ZNF283: variants seen among roughly 807,000 people sequenced by gnomAD.
ZNF283 encodes zinc finger protein 283, also known as zinc finger protein 41.
A neutral mutation model predicts 9.2 loss-of-function variants in ZNF283; 10 were observed. That is an observed-to-expected ratio of 1.09 (90% CI 0.67 to 1.85). The LOEUF (loss-of-function observed/expected upper bound fraction) is 1.85, where lower values mean the gene tolerates loss of function less well. Ranked by LOEUF, ZNF283 falls within the 40% of genes most tolerant of loss-of-function variation. ZNF283 has a pLI of 0.00. For synonymous variants in ZNF283, 234 were observed against 244.1 expected (o/e 0.96, Z 0.38); for missense variants, 631 against 760.1 (o/e 0.83, Z 2.00).
Position 43,835,593 on chromosome 19 carries a change from G to GT in ZNF283, c.210+2dup, listed in dbSNP as rs979130550. 4 of 1,593,980 alleles carry GT rather than the reference G, an allele frequency of 2.5e-6. No homozygotes were observed. The highest frequency in any genetic ancestry group is 2.6e-6 in the Non-Finnish European group (3 of 1,165,782). ...TTGCAATTCCAGAACCATGACTGATGTAAGTTGGTATTTTTCTCTCCATGA... is the reference window on the plus strand; with the variant it reads ...TTGCAATTCCAGAACCATGACTGATGTTAAGTTGGTATTTTTCTCTCCATGA... On this transcript the variant is annotated splice_donor_variant, in intron 5 of 6. Transcript: ENST00000618787. LOFTEE classifies it high-confidence loss of function.
At chr19:43,829,108 G>A (rs182399933) in intron 2 of ZNF283, among the ~76,000 whole-genome samples, 7 of 152,176 alleles carry the variant, frequency 4.6e-5, no homozygotes, top group African/African-American at 9.7e-5. Context: ...CCCTGGGGTC[G>A]GGCACAGTGG....
intron 5 of ZNF283, among the ~76,000 whole-genome samples, chr19:43,836,470 T>C (rs1337426582): frequency 6.6e-6 from 1 of 152,178 alleles, no homozygotes; most frequent in Non-Finnish European, 1.5e-5. Context: ...GCCTCCCAAG[T>C]AGCTGGGATT....
Position 43,833,484 on chromosome 19 carries a change from CTT to C in ZNF283, c.1-5_1-4del, listed in dbSNP as rs55882936. 812 of 137,322 alleles carry C rather than the reference CTT, an allele frequency of 5.9e-3. 5 individuals carry two copies. Among genetic ancestry groups the C allele is most frequent in the Middle Eastern group, 0.02 (6 of 298 alleles). The allele number at this position is 137,322 out of a possible 1,614,324, so 8.5% of individuals were successfully genotyped here. On this transcript the variant is annotated intron_variant, in intron 3 of 6. Transcript: ENST00000618787. ...GTGTTTCTTTCTTCTTTACCTATTTCTTTTTTTTTTTTTTTTTCAGATGGAGT... is the reference window on the plus strand; with the variant it reads ...GTGTTTCTTTCTTCTTTACCTATTTCTTTTTTTTTTTTTTTCAGATGGAGT...
Position 43,847,806 on chromosome 19 carries a change from C to A in ZNF283, c.1205C>A (p.Pro402His). The change falls in exon 7 of 7, where the codon CCC (proline) becomes CAC (histidine). Residue 402 changes from proline (P) to histidine (H), a missense_variant. By Grantham distance (77) the Pro-to-His change is moderately conservative (BLOSUM62 -2). Transcript: ENST00000618787. ...RHQIFHTGEK[P>H]YECKECGKAF... ...CAGATATTTCATACTGGTGAGAAAC[C>A]CTATGAATGCAAGGAATGTGGGAAG... is the stretch of plus-strand genomic sequence containing the variant. 6.2e-7 allele frequency: 1 copy of A among 1,613,858 alleles called. No individual in the cohort carries two copies. Among genetic ancestry groups the A allele is most frequent in the South Asian group, 1.1e-5 (1 of 91,070 alleles).
chr19:43,844,769 A>C (rs764635253), intron 6 of ZNF283, among the ~76,000 whole-genome samples: 2 of 152,182 alleles, frequency 1.3e-5, no homozygotes, highest in East Asian at 3.8e-4. Flanking sequence ...TTTGGGCCCA[A>C]ATGTCAGTAG....
chr19:43,847,883 G>T lies in ZNF283; in HGVS notation c.1282G>T (p.Glu428Ter), dbSNP rs755948575. 4 of 1,613,140 alleles carry T rather than the reference G, an allele frequency of 2.5e-6. No individual in the cohort carries two copies. The highest frequency in any genetic ancestry group is 1.7e-5 in the Admixed American group (1 of 59,902). Residue 428 changes from glutamate (E) to a stop codon, truncating the protein, a stop_gained, in exon 7 of 7, where the codon GAG becomes TAG. Coordinates refer to ENST00000618787, the MANE Select transcript of ZNF283 (RefSeq NM_181845.2). LOFTEE classifies it low-confidence loss of function (END_TRUNC). Reference sequence around the variant, plus strand: ...TCAACATGAAAGAATTCATACTGGTGAGAAACCTTATGAATGTAAAGAATG... The same window carrying T: ...TCAACATGAAAGAATTCATACTGGTTAGAAACCTTATGAATGTAAAGAATG... ...LIQHERIHTGEKPYECKECGK... is the reference protein window; with the variant it reads ...LIQHERIHTG
At chr19:43,835,722 G>T in intron 5 of ZNF283, 130 bp downstream of exon 5, 1 of 681,136 alleles carries the variant, frequency 1.5e-6, no homozygotes, top group Non-Finnish European at 2.5e-6. Context: ...GGACTTTGGG[G>T]TTGCTTGGTC....
At chr19:43,831,801 A>G (rs1325788423) in intron 3 of ZNF283, among the ~76,000 whole-genome samples, 2 of 151,828 alleles carry the variant, frequency 1.3e-5, no homozygotes. Flanking sequence ...CTAATTTTTC[A>G]TGTTTTTGAT....
intron 3 of ZNF283, among the ~76,000 whole-genome samples, chr19:43,832,824 T>C (rs1194776033): frequency 2.0e-5 from 3 of 152,036 alleles, no homozygotes; most frequent in Non-Finnish European, 4.4e-5. Context: ...GAGACCAGCC[T>C]GGACAACACA....
rs762884166 is a variant in ZNF283, at chr19:43,848,375, G to C, written c.1774G>C (p.Val592Leu). 35 of 1,613,440 alleles carry C rather than the reference G, an allele frequency of 2.2e-5. 1 individual carries two copies. The Middle Eastern group carries it at 1.3e-3, about 61-fold the overall frequency. The change falls in exon 7 of 7, where the codon GTC becomes CTC. Residue 592 changes from valine to leucine, a missense_variant. Transcript: ENST00000618787. ...WGSSLVKHER[V>L]HTNEKSYECK... Reference sequence around the variant, plus strand: ...TTCAAGCCTAGTTAAGCATGAGAGAGTCCATACTAATGAGAAGTCTTATGA... The same window carrying C: ...TTCAAGCCTAGTTAAGCATGAGAGACTCCATACTAATGAGAAGTCTTATGA...
intron 4 of ZNF283, 47 bp from the exon 5 acceptor site, chr19:43,835,458 G>A: frequency 8.1e-7 from 1 of 1,236,914 alleles, no homozygotes; most frequent in Non-Finnish European, 1.2e-6. Flanking sequence ...AGTCAGGATG[G>A]GATCACTGAG....
rs768313734 is a variant in ZNF283 at position 43,848,602 on chromosome 19, T to G, written c.2001T>G (p.Thr667=). Residue 667 remains threonine (T), a synonymous_variant, in exon 7 of 7, where the codon ACT becomes ACG. Transcript: ENST00000618787. ...GTGGGGAAGCCTTTCTGTGGACAAC[T>G]TACTCAAATGAGAAAATTGATACTG... ...NECGEAFLWT[T]YSNEKIDTDE... The G allele has an allele frequency of 1.6e-5, 25 of 1,574,944 alleles. No individual in the cohort carries two copies. In the East Asian group the frequency reaches 5.4e-4, roughly 34 times the overall value.
rs765958751 is a variant in ZNF283 at position 43,831,297 on chromosome 19, C to G, written c.-64-21C>G. On this transcript the variant is annotated intron_variant, in intron 2 of 6. Transcript: ENST00000618787. ...TCCTCAGACTTTGAAGGTGGTTTAT[C>G]TCATTTGTGTTGATTTACAGGAGAA... The G allele has an allele frequency of 5.1e-6, 8 of 1,559,964 alleles. No individual in the cohort carries two copies. In the African/African-American group the frequency reaches 1.1e-4, roughly 21 times the overall value.
intron 6 of ZNF283, chr19:43,840,776 C>T (rs73052663): frequency 0.18 from 27,190 of 151,122 alleles, 2,515 homozygotes; most frequent in Non-Finnish European, 0.21. Context: ...AGCTCTGCCT[C>T]CCAGGTTCAC....
At chr19:43,839,751 ATTTG>A (rs1971124070) in intron 6 of ZNF283, among the ~76,000 whole-genome samples, 1 of 151,998 alleles carries the variant, frequency 6.6e-6, no homozygotes, top group African/African-American at 2.4e-5. Context: ...TTACTCCAGA[ATTTG>A]TTTGGTTCCT....
rs1599716775 is a variant in ZNF283, at chr19:43,835,735, A to G, written c.210+143A>G. ...AAGGACTTTGGGGTTGCTTGGTCTC[A>G]ACCTCAGTTTATGTGAAGCTGCATG... is the stretch of plus-strand genomic sequence containing the variant. On this transcript the variant is annotated intron_variant, in intron 5 of 6. Transcript: ENST00000618787. 3 of 625,840 alleles carry G rather than the reference A, an allele frequency of 4.8e-6. No homozygotes were observed. In the East Asian group the frequency reaches 8.6e-5, roughly 18 times the overall value. The allele number at this position is 625,840 out of a possible 1,614,324, so 38.8% of individuals were successfully genotyped here.
In ZNF283 at chr19:43,847,354, TG is replaced by T; in HGVS notation, c.754del (p.Val252CysfsTer65). 1 of 1,614,052 alleles carries T rather than the reference TG, an allele frequency of 6.2e-7. No homozygotes were observed. On this transcript the variant is annotated frameshift_variant, in exon 7 of 7. Transcript: ENST00000618787. LOFTEE classifies it low-confidence loss of function (END_TRUNC). ...ATTATTTAAGTGCCTATCAACTCAA[TG>T]TGCATCAGAGATTTCATACTGGTGA... ...KNYLSAYQLNVHQRFHTGEKP... is the reference protein window; with the variant it reads ...KNYLSAYQLNXHQRFHTGEKP...
chr19:43,847,378 T>G lies in ZNF283; in HGVS notation c.777T>G (p.Gly259=), dbSNP rs372529241. ...QLNVHQRFHT[G]EKPYECKECG... ...ATGTGCATCAGAGATTTCATACTGGTGAGAAACCCTATGAGTGTAAGGAAT... is the reference window on the plus strand; with the variant it reads ...ATGTGCATCAGAGATTTCATACTGGGGAGAAACCCTATGAGTGTAAGGAAT... The change falls in exon 7 of 7, where the codon GGT becomes GGG. Residue 259 remains glycine, a synonymous_variant. Transcript: ENST00000618787. 46 of 1,613,650 alleles carry G rather than the reference T, an allele frequency of 2.9e-5. No homozygotes were observed. The highest frequency in any genetic ancestry group is 3.9e-5 in the Non-Finnish European group (46 of 1,179,786).
Position 43,837,081 on chromosome 19 carries a change from T to G in ZNF283, c.239T>G (p.Ile80Ser). 6.2e-7 allele frequency: 1 copy of G among 1,614,174 alleles called. No homozygotes were observed. The highest frequency in any genetic ancestry group is 8.5e-7 in the Non-Finnish European group (1 of 1,180,020). ...DGLVTFRDVA[I>S]DFSQEEWECL... ...TTGGTGACATTCAGGGATGTGGCCATCGACTTCTCTCAGGAGGAGTGGGAA... is the reference window on the plus strand; with the variant it reads ...TTGGTGACATTCAGGGATGTGGCCAGCGACTTCTCTCAGGAGGAGTGGGAA... Residue 80 changes from isoleucine (I) to serine (S), a missense_variant, in exon 6 of 7, where the codon ATC becomes AGC. Transcript: ENST00000618787.
Sources: allele counts gnomAD v4.1 joint callset (sites outside exome capture counted in the v4.1 genomes callset), GRCh38; gene constraint gnomAD v4.1.1; transcripts MANE v1.5; gene names NCBI Gene and HGNC (gene_info 2026-07-23, HGNC 2026-07-21).